Variants in RIMS2 observed in about 807,000 individuals in gnomAD.
RIMS2 encodes the protein regulating synaptic membrane exocytosis protein 2.
RIMS2 carries 59 observed loss-of-function variants against 174.4 expected under a neutral mutation model. That is an observed-to-expected ratio of 0.34 (90% CI 0.27 to 0.42). The LOEUF is 0.42. RIMS2 is among the 10% of genes least tolerant of loss of function. The probability of loss-of-function intolerance (pLI) is 1.00; values close to 1 mark genes in which losing one functional copy is unlikely to be tolerated. For missense variants in RIMS2, 1,620 were observed against 1,666.3 expected (o/e 0.97, Z 0.48); for synonymous variants, 606 against 572.5 (o/e 1.06, Z -0.84).
intron 1 of RIMS2, among the ~76,000 whole-genome samples, chr8:103,690,146 TAG>T (rs1205828299): frequency 6.6e-6 from 1 of 152,036 alleles, no homozygotes; most frequent in East Asian, 1.9e-4. Flanking sequence ...GTATTTTTAG[TAG>T]AGACAGGGTT....
chr8:104,205,917 G>A (rs538850314), intron 19 of RIMS2, among the ~76,000 whole-genome samples: 65 of 151,954 alleles, frequency 4.3e-4, no homozygotes, highest in Middle Eastern at 3.4e-3. Flanking sequence ...CATCACGCCC[G>A]GCTGATTTTT....
At position 103,681,997 on chromosome 8, in the gene RIMS2, G is replaced by C. The variant is rs180744490; in HGVS notation, c.177-15089G>C. On this transcript the variant is annotated intron_variant, in intron 1 of 23. Transcript: ENST00000504942. ...TTGGTAGATAAATTATGCATTTGAG[G>C]GAGAGAGACATTTCCAGAGTAATTC... Among the ~76,000 whole-genome samples, 10 of 152,058 alleles carry C rather than the reference G, an allele frequency of 6.6e-5. No homozygotes were observed. In the East Asian group the frequency reaches 1.9e-3, roughly 29 times the overall value.
At chr8:103,670,819 A>G (rs2136338487) in intron 1 of RIMS2, among the ~76,000 whole-genome samples, 1 of 152,362 alleles carries the variant, frequency 6.6e-6, no homozygotes, top group East Asian at 1.9e-4. Flanking sequence ...AAACTTTCCC[A>G]CATTTTGCTG....
intron 3 of RIMS2, among the ~76,000 whole-genome samples, chr8:103,880,253 A>T (rs2099160920): frequency 6.6e-6 from 1 of 151,624 alleles, no homozygotes; most frequent in East Asian, 1.9e-4. Flanking sequence ...ATAAATTTCT[A>T]AATCCACCAG....
At position 104,020,385 on chromosome 8, in the gene RIMS2, A is replaced by G. The variant is rs555725237; in HGVS notation, c.3334+5770A>G. On this transcript the variant is annotated intron_variant, in intron 19 of 23. Transcript: ENST00000504942. ...TGTCTTTCTAGATATTAGACACTCC[A>G]TACTGACATTTGTAATATATTTGAA... Among the ~76,000 whole-genome samples, 8 of 152,190 alleles carry G rather than the reference A, an allele frequency of 5.3e-5. No homozygotes were observed. The South Asian group carries it at 1.4e-3, about 28-fold the overall frequency.
intron 19 of RIMS2, among the ~76,000 whole-genome samples, chr8:104,199,124 C>T (rs2099040899): frequency 6.6e-6 from 1 of 152,036 alleles, no homozygotes; most frequent in Non-Finnish European, 1.5e-5. Context: ...TGCAGTGGCG[C>T]CATCTCGGCT....
chr8:103,726,543 A>G (rs1008334482), intron 2 of RIMS2, among the ~76,000 whole-genome samples: 1 of 151,766 alleles, frequency 6.6e-6, no homozygotes, highest in African/African-American at 2.4e-5. Flanking sequence ...TTAGTCCTAA[A>G]TAGGCCATAT....
At chr8:103,655,654 G>C (rs914517719) in intron 1 of RIMS2, among the ~76,000 whole-genome samples, 4 of 152,044 alleles carry the variant, frequency 2.6e-5, no homozygotes, top group Non-Finnish European at 4.4e-5. Context: ...TTGGCTGTGA[G>C]GTCTTTTAAT....
Position 103,709,081 on chromosome 8 carries a change from T to G in RIMS2, c.387+11785T>G, listed in dbSNP as rs529030848. Among the ~76,000 whole-genome samples, 3 of 152,288 alleles carry G rather than the reference T, an allele frequency of 2.0e-5. No homozygotes were observed. In the South Asian group the frequency reaches 6.2e-4, roughly 32 times the overall value. On this transcript the variant is annotated intron_variant, in intron 2 of 23. Coordinates refer to ENST00000504942, the Ensembl canonical transcript of RIMS2. ...TCTGCTGTTTATAAAATTCAGTGTA[T>G]TTTTTAATAATCACAGACATTGTAG...
chr8:103,959,589 A>AT (rs1393270157), intron 14 of RIMS2, among the ~76,000 whole-genome samples: 2 of 150,606 alleles, frequency 1.3e-5, no homozygotes, highest in South Asian at 4.2e-4. Flanking sequence ...TTCTTTTTTT[A>AT]TTTTTTTGTA....
chr8:104,157,721 G>C (rs2441868), intron 19 of RIMS2, among the ~76,000 whole-genome samples: 23,912 of 152,092 alleles, frequency 0.16, 2,869 homozygotes, highest in East Asian at 0.57. Flanking sequence ...CCATTCATCT[G>C]TCAGTAGGCA....
intron 14 of RIMS2, among the ~76,000 whole-genome samples, chr8:103,951,689 T>C (rs897751639): frequency 6.6e-6 from 1 of 152,184 alleles, no homozygotes; most frequent in African/African-American, 2.4e-5. Context: ...GGGCAGACAC[T>C]GAGCTAGCCA....
chr8:104,232,023 A>T (rs550416313), intron 19 of RIMS2, among the ~76,000 whole-genome samples: 1 of 135,266 alleles, frequency 7.4e-6, no homozygotes, highest in African/African-American at 3.0e-5. Flanking sequence ...CTCATAAAGC[A>T]CTTAGCGCAT....
intron 19 of RIMS2, among the ~76,000 whole-genome samples, chr8:104,022,733 A>G (rs972744695): frequency 6.6e-6 from 1 of 152,188 alleles, no homozygotes; most frequent in East Asian, 1.9e-4. Context: ...TTTCACATGT[A>G]AAGTTTTCTA....
chr8:103,960,679 A>G (rs2089718983), intron 14 of RIMS2, among the ~76,000 whole-genome samples: 1 of 152,142 alleles, frequency 6.6e-6, no homozygotes, highest in Non-Finnish European at 1.5e-5. Context: ...TTTGAAATTT[A>G]TCTGGTCTTA....
At chr8:104,035,189 C>T (rs1160954792) in intron 19 of RIMS2, among the ~76,000 whole-genome samples, 1 of 151,226 alleles carries the variant, frequency 6.6e-6, no homozygotes, top group Non-Finnish European at 1.5e-5. Flanking sequence ...ATTGACACAG[C>T]TATTGTTATT....
intron 15 of RIMS2, among the ~76,000 whole-genome samples, chr8:103,971,061 A>G (rs1348018885): frequency 6.6e-6 from 1 of 152,164 alleles, no homozygotes; most frequent in Non-Finnish European, 1.5e-5. Context: ...GGGAATGGTT[A>G]TAAACCATTC....
chr8:103,982,205 CA>C (rs1392223958), intron 16 of RIMS2, among the ~76,000 whole-genome samples: 1 of 151,848 alleles, frequency 6.6e-6, no homozygotes, highest in Non-Finnish European at 1.5e-5. Flanking sequence ...CAAAGAAACC[CA>C]ATAGCTTAAC....
chr8:104,161,550 A>T (rs955094825), intron 19 of RIMS2, among the ~76,000 whole-genome samples: 12 of 152,224 alleles, frequency 7.9e-5, no homozygotes, highest in African/African-American at 2.9e-4. Context: ...AATAAGAAAG[A>T]CTAGAGATCA....
Sources: allele counts gnomAD v4.1 joint callset (sites outside exome capture counted in the v4.1 genomes callset), GRCh38; gene constraint gnomAD v4.1.1; transcripts MANE v1.5; gene names NCBI Gene and HGNC (gene_info 2026-07-23, HGNC 2026-07-21).